The following TBC1D22A variants were observed in gnomAD, a reference collection of about 807,000 sequenced individuals.
The protein encoded by TBC1D22A is putative GTPase activator.
A neutral mutation model predicts 60.2 loss-of-function variants in TBC1D22A; 38 were observed. The ratio of observed to expected loss-of-function variants is 0.63; its 90% CI spans 0.49 to 0.83. The LOEUF (loss-of-function observed/expected upper bound fraction) is 0.83. TBC1D22A is among the 40% of genes least tolerant of loss of function. The probability of loss-of-function intolerance (pLI) is 0.00; values close to 1 mark genes in which losing one functional copy is unlikely to be tolerated. For missense variants in TBC1D22A, 628 were observed against 701.0 expected (o/e 0.90, Z 1.18); for synonymous variants, 302 against 281.7 (o/e 1.07, Z -0.72).
At chr22:47,021,645 A>T (rs1213166803) in intron 10 of TBC1D22A, among the ~76,000 whole-genome samples, 1 of 151,992 alleles carries the variant, frequency 6.6e-6, no homozygotes. Flanking sequence ...CTGAGCAGGG[A>T]CTCTAGCAGA....
intron 11 of TBC1D22A, among the ~76,000 whole-genome samples, chr22:47,092,482 G>GT (rs1240629466): frequency 6.6e-6 from 1 of 152,202 alleles, no homozygotes; most frequent in Non-Finnish European, 1.5e-5. Flanking sequence ...GGAAACTGGA[G>GT]TGGAGGGGCT....
At chr22:46,940,997 A>G (rs1466088219) in intron 8 of TBC1D22A, among the ~76,000 whole-genome samples, 1 of 144,756 alleles carries the variant, frequency 6.9e-6, no homozygotes, top group Non-Finnish European at 1.5e-5. Context: ...ATGTATATAT[A>G]CACACATACA....
chr22:46,952,535 G>A (rs571591423), intron 8 of TBC1D22A, among the ~76,000 whole-genome samples: 2 of 152,196 alleles, frequency 1.3e-5, no homozygotes, highest in African/African-American at 4.8e-5. Context: ...GGGTGTGGGT[G>A]TTGGCCTGCA....
intron 3 of TBC1D22A, among the ~76,000 whole-genome samples, chr22:46,794,947 G>T (rs2084588519): frequency 6.6e-6 from 1 of 152,198 alleles, no homozygotes; most frequent in Non-Finnish European, 1.5e-5. Flanking sequence ...TGTTAGGGTG[G>T]CCTGATTTTA....
At chr22:46,891,635 T>C (rs1338748153) in intron 6 of TBC1D22A, among the ~76,000 whole-genome samples, 4 of 152,218 alleles carry the variant, frequency 2.6e-5, no homozygotes, top group Admixed American at 1.3e-4. Flanking sequence ...AAAGAGTATT[T>C]TAAATTGAGG....
intron 10 of TBC1D22A, among the ~76,000 whole-genome samples, chr22:47,026,019 A>C (rs1484242032): frequency 6.6e-6 from 1 of 152,282 alleles, no homozygotes; most frequent in Non-Finnish European, 1.5e-5. Flanking sequence ...TAGTAAATCA[A>C]ATCCAACAGT....
At chr22:47,113,130 G>T (rs2065909471) in intron 12 of TBC1D22A, among the ~76,000 whole-genome samples, 1 of 152,232 alleles carries the variant, frequency 6.6e-6, no homozygotes, top group African/African-American at 2.4e-5. Context: ...GTAGGGAGAA[G>T]GGCCCAGCCT....
At chr22:46,875,721 G>A (rs1315999588) in intron 4 of TBC1D22A, among the ~76,000 whole-genome samples, 1 of 152,134 alleles carries the variant, frequency 6.6e-6, no homozygotes, top group African/African-American at 2.4e-5. Flanking sequence ...AAAGTGCTGG[G>A]ATTACAGGTG....
chr22:46,802,390 G>A (rs79111042), intron 4 of TBC1D22A, among the ~76,000 whole-genome samples: 11,267 of 145,996 alleles, frequency 0.077, 577 homozygotes, highest in Non-Finnish European at 0.12. Context: ...CTGTTTCTGG[G>A]GCGAGATCTG....
chr22:47,154,441 C>CT (rs377391792), intron 12 of TBC1D22A, among the ~76,000 whole-genome samples: 1 of 152,196 alleles, frequency 6.6e-6, no homozygotes, highest in African/African-American at 2.4e-5. Context: ...AATGCCCCCC[C>CT]GCTTGAAATT....
chr22:46,896,313 C>A (rs908396778), intron 7 of TBC1D22A, among the ~76,000 whole-genome samples: 1 of 152,102 alleles, frequency 6.6e-6, no homozygotes, highest in Admixed American at 6.5e-5. Flanking sequence ...TGCAGCTTTT[C>A]TCTTCCTTTT....
In TBC1D22A at chr22:47,086,315, C is replaced by T. The variant is rs549877840; in HGVS notation, c.1330-25193C>T. On this transcript the variant is annotated intron_variant, in intron 11 of 12. Coordinates refer to ENST00000337137, the MANE Select transcript of TBC1D22A (RefSeq NM_014346.5). ...TACTAAAAACACAAAATTAGCCGGG[C>T]GTGGTGGCAGGCGCCTGTAATCCCA... 1.2e-4 allele frequency among the ~76,000 whole-genome samples: 18 copies of T among 152,238 alleles called. No homozygotes were observed. In the East Asian group the frequency reaches 3.1e-3, roughly 26 times the overall value.
intron 4 of TBC1D22A, among the ~76,000 whole-genome samples, chr22:46,826,625 C>G (rs1252966287): frequency 6.6e-6 from 1 of 152,078 alleles, no homozygotes; most frequent in Non-Finnish European, 1.5e-5. Context: ...GCTTGGGCAC[C>G]CAGGGCTCCT....
intron 10 of TBC1D22A, among the ~76,000 whole-genome samples, chr22:47,033,952 GC>G (rs1301721531): frequency 2.0e-5 from 3 of 152,100 alleles, no homozygotes; most frequent in African/African-American, 7.2e-5. Flanking sequence ...ACACCTCCTG[GC>G]ACCCCCTTTG....
intron 12 of TBC1D22A, among the ~76,000 whole-genome samples, chr22:47,114,127 A>T (rs574602102): frequency 3.3e-5 from 5 of 152,226 alleles, no homozygotes; most frequent in Admixed American, 3.3e-4. Flanking sequence ...CTCTGCTGCT[A>T]TTAGAGGGTG....
chr22:47,149,288 C>T (rs1319783064), intron 12 of TBC1D22A, among the ~76,000 whole-genome samples: 4 of 152,234 alleles, frequency 2.6e-5, no homozygotes, highest in Non-Finnish European at 4.4e-5. Context: ...CACGGACGCT[C>T]ACATCTGCTC....
chr22:46,771,900 C>T (rs2083492126), intron 1 of TBC1D22A, among the ~76,000 whole-genome samples: 1 of 152,152 alleles, frequency 6.6e-6, no homozygotes, highest in East Asian at 1.9e-4. Flanking sequence ...TAGCCGTTAG[C>T]TCCCACTTAT....
intron 12 of TBC1D22A, among the ~76,000 whole-genome samples, chr22:47,124,529 G>T (rs1222113256): frequency 1.3e-5 from 2 of 152,212 alleles, no homozygotes; most frequent in African/African-American, 4.8e-5. Context: ...TATGGGGAGG[G>T]GACCTGCCTG....
At chr22:46,814,031 C>G (rs570826770) in intron 4 of TBC1D22A, among the ~76,000 whole-genome samples, 1 of 152,254 alleles carries the variant, frequency 6.6e-6, no homozygotes, top group Non-Finnish European at 1.5e-5. Context: ...TTCCGCAGCC[C>G]TTGCATAGTC....
Sources: gnomAD v4.1 joint callset for allele counts (sites outside exome capture counted in the v4.1 genomes callset) on GRCh38, gnomAD v4.1.1 for gene constraint, MANE v1.5 for transcripts, NCBI Gene and HGNC (gene_info 2026-07-23, HGNC 2026-07-21) for gene names.